RBFOX1: variants seen among roughly 807,000 people sequenced by gnomAD.
RBFOX1 encodes RNA binding fox-1 homolog 1, also known as RNA binding protein fox-1 homolog 1.
RBFOX1 carries 8 observed loss-of-function variants against 57.7 expected under a neutral mutation model. The ratio of observed to expected loss-of-function variants is 0.14; its 90% CI spans 0.08 to 0.25. The LOEUF (loss-of-function observed/expected upper bound fraction) is 0.25, where lower values mean the gene tolerates loss of function less well. Among genes scored for constraint, RBFOX1 ranks in the 10% least tolerant of loss-of-function variants. The pLI, the probability that RBFOX1 is intolerant of heterozygous loss-of-function variation, is 1.00. For synonymous variants in RBFOX1, 326 were observed against 222.4 expected, an observed-to-expected ratio of 1.47 and a Z score of -4.15; for missense variants, 611 against 548.5, an observed-to-expected ratio of 1.11 and a Z score of -1.14.
intron 3 of RBFOX1, among the ~76,000 whole-genome samples, chr16:5,763,763 T>C (rs1323622285): frequency 6.6e-6 from 1 of 152,142 alleles, no homozygotes; most frequent in African/African-American, 2.4e-5. Flanking sequence ...GCCCCAGAGA[T>C]TCACAGAGCT....
intron 1 of RBFOX1, among the ~76,000 whole-genome samples, chr16:5,403,300 A>C (rs538272646): frequency 2.0e-5 from 3 of 147,512 alleles, no homozygotes; most frequent in African/African-American, 7.4e-5. Context: ...CGGTGTGCCG[A>C]GATCGTGCCA....
chr16:6,933,098 C>A (rs1459364504), intron 3 of RBFOX1, among the ~76,000 whole-genome samples: 2 of 152,196 alleles, frequency 1.3e-5, no homozygotes, highest in Admixed American at 6.5e-5. Flanking sequence ...GGATGAATTA[C>A]ATTCCATTGT....
At chr16:6,950,409 G>C (rs1458618371) in intron 3 of RBFOX1, among the ~76,000 whole-genome samples, 1 of 152,106 alleles carries the variant, frequency 6.6e-6, no homozygotes, top group Non-Finnish European at 1.5e-5. Context: ...ACACCAGCAT[G>C]CACTGAGAAC....
rs5815381 is a variant in RBFOX1 at position 7,185,194 on chromosome 16, C to CCT, written c.27+133111_27+133112dup. Among the ~76,000 whole-genome samples the CCT allele has an allele frequency of 3.8e-3, 566 of 150,426 alleles. 4 individuals are homozygous for CCT. Among genetic ancestry groups the CCT allele is most frequent in the African/African-American group, 0.012 (494 of 41,126 alleles). On this transcript the variant is annotated intron_variant, in intron 4 of 15. Transcript: ENST00000550418. ...AGTGCTTGATAAATTTCACATTATA[C>CCT]CTCTCTCTCTCTCTCTGCAGATTTC...
intron 1 of RBFOX1, among the ~76,000 whole-genome samples, chr16:5,422,359 G>A (rs959541719): frequency 2.1e-5 from 2 of 95,958 alleles, no homozygotes; most frequent in Non-Finnish European, 4.6e-5. Context: ...GGAGAAGGAG[G>A]GAGCAGGGAG....
intron 4 of RBFOX1, among the ~76,000 whole-genome samples, chr16:7,309,398 C>G (rs992001256): frequency 6.6e-6 from 1 of 152,202 alleles, no homozygotes; most frequent in Non-Finnish European, 1.5e-5. Context: ...ACAATCACTT[C>G]TGAAAATTGT....
At chr16:6,275,481 A>G (rs17818943) in intron 1 of RBFOX1, among the ~76,000 whole-genome samples, 24,198 of 152,156 alleles carry the variant, frequency 0.16, 2,037 homozygotes, top group South Asian at 0.19. Flanking sequence ...CCCGTGGAAT[A>G]GTAATTATTA....
At chr16:6,460,258 CTG>C (rs1491253497) in intron 2 of RBFOX1, among the ~76,000 whole-genome samples, 2 of 151,922 alleles carry the variant, frequency 1.3e-5, no homozygotes, top group South Asian at 2.1e-4. Flanking sequence ...GTGTTTTTCC[CTG>C]TGTGTGTGAC....
intron 3 of RBFOX1, chr16:5,632,623 C>T (rs1334098673): frequency 3.9e-5 from 6 of 152,182 alleles, no homozygotes; most frequent in Non-Finnish European, 7.3e-5. Flanking sequence ...AGGCCCTGTC[C>T]ACGAGCCACC....
intron 2 of RBFOX1, among the ~76,000 whole-genome samples, chr16:6,582,446 G>C (rs1441985860): frequency 7.3e-6 from 1 of 137,390 alleles, no homozygotes; most frequent in Non-Finnish European, 1.5e-5. Flanking sequence ...TTTGTTCCTT[G>C]AAATGTTAGC....
chr16:5,669,522 C>A (rs957709962), intron 3 of RBFOX1, among the ~76,000 whole-genome samples: 1 of 146,054 alleles, frequency 6.8e-6, no homozygotes, highest in Non-Finnish European at 1.5e-5. Context: ...CTGGTTCAAG[C>A]AATTCTCCTG....
intron 4 of RBFOX1, among the ~76,000 whole-genome samples, chr16:7,086,099 A>G (rs2059941891): frequency 6.6e-6 from 1 of 152,132 alleles, no homozygotes; most frequent in Non-Finnish European, 1.5e-5. Context: ...GATTCTCTCC[A>G]TCATGCTTAG....
chr16:6,450,798 T>TACAC (rs1159010501), intron 2 of RBFOX1, among the ~76,000 whole-genome samples: 2 of 20,954 alleles, frequency 9.5e-5, no homozygotes, highest in African/African-American at 3.9e-4. Flanking sequence ...TACATATATA[T>TACAC]ATGTATATAT....
chr16:6,626,936 T>C (rs765214837), intron 2 of RBFOX1, among the ~76,000 whole-genome samples: 1 of 152,220 alleles, frequency 6.6e-6, no homozygotes, highest in Non-Finnish European at 1.5e-5. Context: ...TGAATTGTTA[T>C]GATAGCCTAA....
At chr16:6,164,061 G>T (rs934316681) in intron 1 of RBFOX1, among the ~76,000 whole-genome samples, 22 of 152,156 alleles carry the variant, frequency 1.4e-4, no homozygotes, top group African/African-American at 5.3e-4. Context: ...ATTGCTGATA[G>T]AATTTTATTA....
At chr16:7,248,708 A>G (rs1283032291) in intron 4 of RBFOX1, among the ~76,000 whole-genome samples, 1 of 152,196 alleles carries the variant, frequency 6.6e-6, no homozygotes, top group Admixed American at 6.5e-5. Context: ...TTAGAGTTGC[A>G]TGTTATTCAT....
intron 3 of RBFOX1, among the ~76,000 whole-genome samples, chr16:5,835,862 T>G (rs1343783430): frequency 6.6e-6 from 1 of 151,910 alleles, no homozygotes; most frequent in Non-Finnish European, 1.5e-5. Context: ...AGGCCTCCCA[T>G]CCCTCCCAGA....
At chr16:5,836,776 A>G (rs1376855401) in intron 3 of RBFOX1, among the ~76,000 whole-genome samples, 2 of 152,218 alleles carry the variant, frequency 1.3e-5, no homozygotes, top group Non-Finnish European at 2.9e-5. Context: ...TGTGACAACT[A>G]CAAATGTCTC....
chr16:7,184,561 G>T lies in RBFOX1; in HGVS notation c.27+132463G>T, dbSNP rs532289185. Among the ~76,000 whole-genome samples, 9 of 152,308 alleles carry T rather than the reference G, an allele frequency of 5.9e-5. No homozygotes were observed. In the South Asian group the frequency reaches 1.9e-3, roughly 32 times the overall value. ...GATTGAAGTATGACATATTGGCTGTGCCTTTGTGACAATCCTTAGTCTTGT... is the reference window on the plus strand; with the variant it reads ...GATTGAAGTATGACATATTGGCTGTTCCTTTGTGACAATCCTTAGTCTTGT... On this transcript the variant is annotated intron_variant, in intron 4 of 15. Coordinates refer to ENST00000550418, the MANE Select transcript of RBFOX1 (RefSeq NM_018723.4).
Sources: gnomAD v4.1 joint callset for allele counts (sites outside exome capture counted in the v4.1 genomes callset) on GRCh38, gnomAD v4.1.1 for gene constraint, MANE v1.5 for transcripts, NCBI Gene and HGNC (gene_info 2026-07-23, HGNC 2026-07-21) for gene names.